Variants in CNTN5 observed in about 807,000 individuals in gnomAD.
CNTN5 encodes contactin-5.
A neutral mutation model predicts 129.1 loss-of-function variants in CNTN5; 77 were observed. That is an observed-to-expected ratio of 0.60 (90% CI 0.50 to 0.72). The LOEUF (loss-of-function observed/expected upper bound fraction) is 0.72. Ranked by LOEUF, CNTN5 falls within the 30% of genes least tolerant of loss-of-function variation. The pLI is 0.00. For synonymous variants in CNTN5, 509 were observed against 465.6 expected, an observed-to-expected ratio of 1.09 and a Z score of -1.20; for missense variants, 1,478 against 1,328.8, an observed-to-expected ratio of 1.11 and a Z score of -1.75.
At chr11:99,997,034 C>T (rs1348009239) in intron 8 of CNTN5, among the ~76,000 whole-genome samples, 1 of 152,120 alleles carries the variant, frequency 6.6e-6, no homozygotes, top group Non-Finnish European at 1.5e-5. Context: ...TTGCACATTT[C>T]AAAACTAATC....
intron 9 of CNTN5, among the ~76,000 whole-genome samples, chr11:100,044,936 T>G (rs1366135063): frequency 6.6e-6 from 1 of 152,058 alleles, no homozygotes; most frequent in Non-Finnish European, 1.5e-5. Flanking sequence ...CTACATAATC[T>G]CTCGCATTAC....
intron 13 of CNTN5, among the ~76,000 whole-genome samples, chr11:100,113,838 C>T (rs1038049046): frequency 2.6e-5 from 4 of 151,888 alleles, no homozygotes; most frequent in Non-Finnish European, 4.4e-5. Flanking sequence ...CAAAAGTCTC[C>T]ATGTATGTAA....
intron 4 of CNTN5, among the ~76,000 whole-genome samples, chr11:99,831,518 T>C (rs1338442605): frequency 1.3e-5 from 2 of 152,140 alleles, no homozygotes; most frequent in African/African-American, 2.4e-5. Flanking sequence ...GTGCAGCTCA[T>C]CCATTTGCTG....
chr11:99,554,447 G>A (rs1948602321), intron 2 of CNTN5, among the ~76,000 whole-genome samples: 1 of 152,002 alleles, frequency 6.6e-6, no homozygotes, highest in African/African-American at 2.4e-5. Context: ...CCATGTATGT[G>A]TGTGCACATG....
chr11:99,306,541 A>G (rs1040197857), intron 1 of CNTN5, among the ~76,000 whole-genome samples: 1 of 152,022 alleles, frequency 6.6e-6, no homozygotes, highest in African/African-American at 2.4e-5. Context: ...ATTGTTTCAG[A>G]GTTTGAATTG....
In CNTN5 at chr11:99,758,527, T is replaced by C. The variant is rs143067603; in HGVS notation, c.56-61017T>C. On this transcript the variant is annotated intron_variant, in intron 3 of 24. Transcript: ENST00000524871. ...ATGCAAAGATGATTGAAATGATTTG[T>C]TCTTCAAGATGGTCTCAGATGAATG... Among the ~76,000 whole-genome samples the C allele has an allele frequency of 2.5e-4, 38 of 152,164 alleles. 1 individual carries two copies. In the East Asian group the frequency reaches 6.0e-3, roughly 24 times the overall value.
intron 13 of CNTN5, among the ~76,000 whole-genome samples, chr11:100,081,095 C>G (rs1001218364): frequency 3.3e-5 from 5 of 152,042 alleles, no homozygotes; most frequent in Non-Finnish European, 5.9e-5. Flanking sequence ...AAGCTAACTG[C>G]ACAAGACTCT....
At chr11:99,818,502 C>T (rs925764780) in intron 3 of CNTN5, among the ~76,000 whole-genome samples, 1 of 152,164 alleles carries the variant, frequency 6.6e-6, no homozygotes, top group Non-Finnish European at 1.5e-5. Context: ...GTCATTCTCC[C>T]ACCTCGGCTT....
At chr11:99,407,676 G>A (rs917315725) in intron 2 of CNTN5, among the ~76,000 whole-genome samples, 12 of 152,158 alleles carry the variant, frequency 7.9e-5, no homozygotes, top group Non-Finnish European at 1.8e-4. Context: ...GCCTTTCAAG[G>A]TTATCTGGGG....
chr11:99,569,190 G>A (rs1377615658), intron 3 of CNTN5, among the ~76,000 whole-genome samples: 1 of 152,082 alleles, frequency 6.6e-6, no homozygotes, highest in Non-Finnish European at 1.5e-5. Flanking sequence ...AAGATCATCT[G>A]TTCTATAAGA....
At chr11:99,095,221 T>C (rs893567405) in intron 1 of CNTN5, among the ~76,000 whole-genome samples, 5 of 151,880 alleles carry the variant, frequency 3.3e-5, no homozygotes, top group African/African-American at 1.2e-4. Context: ...AAGCCTTACC[T>C]TTCTGATGTA....
intron 2 of CNTN5, among the ~76,000 whole-genome samples, chr11:99,436,000 A>G (rs1943584755): frequency 6.6e-6 from 1 of 152,158 alleles, no homozygotes. Context: ...AATTTTATCA[A>G]ATTTTCATAG....
At chr11:99,855,191 C>T (rs369737363) in intron 6 of CNTN5, among the ~76,000 whole-genome samples, 6 of 152,144 alleles carry the variant, frequency 3.9e-5, no homozygotes, top group African/African-American at 1.4e-4. Context: ...TGACTATGGT[C>T]CCAGTTACTT....
intron 16 of CNTN5, among the ~76,000 whole-genome samples, chr11:100,244,309 G>T (rs1421535696): frequency 2.0e-5 from 3 of 152,030 alleles, no homozygotes; most frequent in African/African-American, 4.8e-5. Context: ...TTAACTGCTA[G>T]CCCAGAGCAA....
intron 13 of CNTN5, among the ~76,000 whole-genome samples, chr11:100,126,968 G>A (rs1228212493): frequency 1.3e-5 from 2 of 151,856 alleles, no homozygotes; most frequent in African/African-American, 2.4e-5. Context: ...CACCCAGGAT[G>A]GAGTGCAGTG....
At chr11:100,050,090 A>G (rs1942875878) in intron 9 of CNTN5, among the ~76,000 whole-genome samples, 1 of 152,184 alleles carries the variant, frequency 6.6e-6, no homozygotes, top group Non-Finnish European at 1.5e-5. Context: ...ATCTAGAACT[A>G]GAAATACCAT....
chr11:99,709,014 A>G (rs1274140514), intron 3 of CNTN5, among the ~76,000 whole-genome samples: 1 of 151,810 alleles, frequency 6.6e-6, no homozygotes, highest in Non-Finnish European at 1.5e-5. Context: ...TGTTTTCCAA[A>G]CGCAAAGCTG....
At chr11:99,399,111 A>G (rs968499849) in intron 2 of CNTN5, among the ~76,000 whole-genome samples, 5 of 151,382 alleles carry the variant, frequency 3.3e-5, no homozygotes, top group Non-Finnish European at 7.4e-5. Flanking sequence ...ATTTAATTGT[A>G]TACATTTCCC....
chr11:99,485,729 T>C (rs1416518512), intron 2 of CNTN5, among the ~76,000 whole-genome samples: 1 of 152,044 alleles, frequency 6.6e-6, no homozygotes, highest in Non-Finnish European at 1.5e-5. Context: ...TGAATTTCTG[T>C]CTTAATATTA....
Sources: gnomAD v4.1 joint callset for allele counts (sites outside exome capture counted in the v4.1 genomes callset) on GRCh38, gnomAD v4.1.1 for gene constraint, MANE v1.5 for transcripts, NCBI Gene and HGNC (gene_info 2026-07-23, HGNC 2026-07-21) for gene names.